TNRC6C: variants seen among roughly 807,000 people sequenced by gnomAD.
TNRC6C encodes the protein trinucleotide repeat containing adaptor 6C.
TNRC6C carries 20 observed loss-of-function variants against 153.7 expected under a neutral mutation model. The ratio of observed to expected loss-of-function variants is 0.13; its 90% CI spans 0.09 to 0.19. The LOEUF (loss-of-function observed/expected upper bound fraction) is 0.19, where lower values mean the gene tolerates loss of function less well. TNRC6C is among the 10% of genes least tolerant of loss of function. The pLI, the probability that TNRC6C is intolerant of heterozygous loss-of-function variation, is 1.00. For synonymous variants in TNRC6C, 811 were observed against 841.4 expected, an observed-to-expected ratio of 0.96 and a Z score of 0.63; for missense variants, 1,987 against 2,172.0, an observed-to-expected ratio of 0.91 and a Z score of 1.69.
At chr17:77,974,275 A>G (rs2070967853) in intron 1 of TNRC6C, among the ~76,000 whole-genome samples, 1 of 152,226 alleles carries the variant, frequency 6.6e-6, no homozygotes, top group African/African-American at 2.4e-5. Context: ...CAAAAAAGAT[A>G]TACAAATAGC....
At chr17:78,047,251 T>G (rs1449473882) in intron 2 of TNRC6C, among the ~76,000 whole-genome samples, 1 of 152,232 alleles carries the variant, frequency 6.6e-6, no homozygotes, top group East Asian at 1.9e-4. Context: ...AGTTAGTTAT[T>G]ATATTAGATA....
chr17:77,995,571 T>C (rs2071315402), intron 1 of TNRC6C, among the ~76,000 whole-genome samples: 1 of 152,228 alleles, frequency 6.6e-6, no homozygotes, highest in Non-Finnish European at 1.5e-5. Context: ...GGTTACAGAA[T>C]ACATATTCCT....
At chr17:78,000,630 C>CCCCCCCCCCCCCA (rs1555628277), upstream of TNRC6C, among the ~76,000 whole-genome samples, 1 of 62,308 alleles carries the variant, frequency 1.6e-5, no homozygotes, top group African/African-American at 9.4e-5. Context: ...CCCCCCCCCC[C>CCCCCCCCCCCCCA]CACACACACA....
chr17:78,052,322 G>A (rs1382577707), intron 3 of TNRC6C, among the ~76,000 whole-genome samples: 1 of 152,172 alleles, frequency 6.6e-6, no homozygotes, highest in Non-Finnish European at 1.5e-5. Context: ...GGCCCCTGGA[G>A]GGTTGCTGGG....
chr17:78,075,269 T>A lies in TNRC6C; in HGVS notation c.3051T>A (p.Phe1017Leu). Residue 1017 changes from phenylalanine (F) to leucine (L), a missense_variant, in exon 8 of 20, where the codon TTT (phenylalanine) becomes TTA (leucine). Around this residue, in one of 4 missense-constraint regions of TNRC6C, gnomAD observed 765 missense variants for 908.6 expected, o/e 0.84. Transcript: ENST00000301624. This position sits in a 1 kb window ranked among gnomAD's most constrained non-coding sequence, Gnocchi z 4.2. ...AGTCTTCCGTGGACCGCCCCACCTT[T>A]CTTGACAAGGTATGAATATAGGTGG... 6.3e-7 allele frequency: 1 copy of A among 1,592,170 alleles called. No homozygotes were observed. The highest frequency in any genetic ancestry group is 1.1e-5 in the South Asian group (1 of 87,716).
At position 77,974,661 on chromosome 17, in the gene TNRC6C, A is replaced by G. The variant is rs78665508; in HGVS notation, c.-38+15393A>G. Among the ~76,000 whole-genome samples the G allele has an allele frequency of 9.1e-3, 1,388 of 152,326 alleles. 10 individuals carry two copies. Among genetic ancestry groups the G allele is most frequent in the South Asian group, 0.023 (109 of 4,832 alleles). ...TTTTGGTTCATTTCGTTTTGGGTTT[A>G]TATTACCATTGTTATTCAATGTTAT... is the stretch of plus-strand genomic sequence containing the variant. On this transcript the variant is annotated intron_variant, in intron 1 of 22. Coordinates refer to the TNRC6C transcript ENST00000636222.
chr17:78,076,880 T>A (rs2073094947), intron 8 of TNRC6C, among the ~76,000 whole-genome samples: 1 of 152,250 alleles, frequency 6.6e-6, no homozygotes, highest in Non-Finnish European at 1.5e-5. Flanking sequence ...TGAAAATGGT[T>A]GTAAAGTGCT....
chr17:77,999,743 G>A (rs1472581379), upstream of TNRC6C, among the ~76,000 whole-genome samples: 1 of 152,176 alleles, frequency 6.6e-6, no homozygotes, highest in East Asian at 1.9e-4. Flanking sequence ...GGCTCTGCTG[G>A]GTAGCGATTG....
intron 3 of TNRC6C, among the ~76,000 whole-genome samples, chr17:78,061,717 G>T (rs78381256): frequency 0.024 from 3,689 of 152,234 alleles, 153 homozygotes; most frequent in African/African-American, 0.083. Flanking sequence ...GAAATATTTG[G>T]TTTTTTAATT....
chr17:78,078,641 C>T (rs1389429774), intron 9 of TNRC6C, among the ~76,000 whole-genome samples: 1 of 152,108 alleles, frequency 6.6e-6, no homozygotes, highest in South Asian at 2.1e-4. Context: ...AATGGGGTAG[C>T]CTTCTTGTTG....
At chr17:78,070,376 A>G (rs567863700) in intron 5 of TNRC6C, among the ~76,000 whole-genome samples, 13 of 152,200 alleles carry the variant, frequency 8.5e-5, no homozygotes, top group Non-Finnish European at 1.8e-4. Context: ...AAACACTATG[A>G]AGAATATTTT....
intron 3 of TNRC6C, among the ~76,000 whole-genome samples, chr17:78,057,935 G>A (rs1468503727): frequency 3.9e-5 from 6 of 152,154 alleles, no homozygotes; most frequent in Non-Finnish European, 5.9e-5. Context: ...AAAACTGGTA[G>A]TATTTTAGGA....
exon 20 of TNRC6C, chr17:78,105,136 A>G (rs2073669879): frequency 1.8e-5 from 6 of 331,856 alleles, no homozygotes; most frequent in Non-Finnish European, 3.2e-5. Context: ...TTTTAAGTAT[A>G]AAAGCTGCTT....
chr17:78,063,887 A>G (rs1402664913), intron 3 of TNRC6C, among the ~76,000 whole-genome samples: 2 of 152,234 alleles, frequency 1.3e-5, no homozygotes, highest in Non-Finnish European at 2.9e-5. Flanking sequence ...GTCATTACAT[A>G]TAATACAAGA....
chr17:77,958,408 G>C (rs949671213), upstream of TNRC6C, among the ~76,000 whole-genome samples: 2 of 151,880 alleles, frequency 1.3e-5, no homozygotes, highest in African/African-American at 2.4e-5. Flanking sequence ...CTCGGAGCGC[G>C]CACCGCTCGC....
At chr17:77,986,554 A>C (rs1310593465) in intron 1 of TNRC6C, among the ~76,000 whole-genome samples, 1 of 152,226 alleles carries the variant, frequency 6.6e-6, no homozygotes, top group Non-Finnish European at 1.5e-5. Context: ...AATTTTTAAA[A>C]AATGTATTTT....
intron 1 of TNRC6C, among the ~76,000 whole-genome samples, chr17:78,020,895 C>T (rs1314629942): frequency 6.6e-6 from 1 of 152,202 alleles, no homozygotes; most frequent in Non-Finnish European, 1.5e-5. Context: ...CATCCTTCCC[C>T]TCTACACTTG....
chr17:78,003,876 G>T (rs2071452671), upstream of TNRC6C, among the ~76,000 whole-genome samples: 1 of 152,170 alleles, frequency 6.6e-6, no homozygotes, highest in South Asian at 2.1e-4. Flanking sequence ...CAGACTAGGG[G>T]CTGGACTGTA....
At chr17:77,978,269 G>T (rs536880338) in intron 1 of TNRC6C, among the ~76,000 whole-genome samples, 2 of 152,190 alleles carry the variant, frequency 1.3e-5, no homozygotes, top group East Asian at 3.9e-4. Flanking sequence ...TAGAAGTAAG[G>T]CTTATCTTTA....
Sources: allele counts gnomAD v4.1 joint callset (sites outside exome capture counted in the v4.1 genomes callset), GRCh38; gene constraint gnomAD v4.1.1; regional missense constraint gnomAD v4.1.1; non-coding constraint Gnocchi (gnomAD v3.1); transcripts MANE v1.5; gene names NCBI Gene and HGNC (gene_info 2026-07-23, HGNC 2026-07-21).